The following UNC80 variants were observed in gnomAD, a reference collection of about 807,000 sequenced individuals.
UNC80 encodes unc-80 subunit of NALCN channel complex.
Under a neutral mutation model 384.6 loss-of-function variants are expected in UNC80, and 164 were observed. The ratio of observed to expected loss-of-function variants is 0.43; its 90% CI spans 0.38 to 0.49. UNC80 has a LOEUF of 0.49. Among genes scored for constraint, UNC80 ranks in the 20% least tolerant of loss-of-function variants. UNC80 has a pLI of 0.00. For synonymous variants in UNC80, 1,486 were observed against 1,527.8 expected, an observed-to-expected ratio of 0.97 and a Z score of 0.64; for missense variants, 3,330 against 4,143.0, an observed-to-expected ratio of 0.80 and a Z score of 5.39.
Position 209,789,549 on chromosome 2 carries a change from A to G in UNC80, c.742A>G (p.Ile248Val). 2.5e-6 allele frequency: 4 copies of G among 1,613,448 alleles called. No individual in the cohort carries two copies. The highest frequency in any genetic ancestry group is 2.2e-5 in the South Asian group (2 of 91,034). ...NIITAKRSSP[I>V]NSQSRTCESP... ...CTTTTCAGCTAAGAGAAGTTCTCCT[A>G]TCAACAGTCAAAGCCGGACCTGTGA... The change falls in exon 6 of 65, where the codon ATC becomes GTC. Residue 248 changes from isoleucine (I) to valine (V), a missense_variant. Physicochemically the swap from Ile to Val is conservative, Grantham distance 29 (BLOSUM62 3). Transcript: ENST00000673920.
chr2:209,852,643 A>G (rs140890668), intron 22 of UNC80, among the ~76,000 whole-genome samples: 2 of 152,252 alleles, frequency 1.3e-5, no homozygotes, highest in Non-Finnish European at 2.9e-5. Flanking sequence ...TATATGTCGT[A>G]CGTGCTTGAA....
intron 22 of UNC80, among the ~76,000 whole-genome samples, chr2:209,850,721 A>G (rs2082468665): frequency 6.6e-6 from 1 of 152,096 alleles, no homozygotes; most frequent in Non-Finnish European, 1.5e-5. Flanking sequence ...AATTTTTTAA[A>G]AATTGCATCA....
chr2:209,927,765 T>C (rs966754236), intron 36 of UNC80, among the ~76,000 whole-genome samples: 1 of 152,182 alleles, frequency 6.6e-6, no homozygotes, highest in African/African-American at 2.4e-5. Context: ...TGAAAAGCTT[T>C]TGACACAGAT....
Position 209,807,622 on chromosome 2 carries a change from C to T in UNC80, c.939-5958C>T, listed in dbSNP as rs897338641. ...TCGTGATCCGCCTGCCTCAGCCTCC[C>T]AAAGTGCTCAGATTACAGGCATGAG... On this transcript the variant is annotated intron_variant, in intron 7 of 64. Coordinates refer to ENST00000673920, the MANE Select transcript of UNC80 (RefSeq NM_001371986.1). 1.7e-4 allele frequency among the ~76,000 whole-genome samples: 26 copies of T among 151,974 alleles called. 1 individual carries two copies. Among genetic ancestry groups the T allele is most frequent in the Non-Finnish European group, 3.2e-4 (22 of 67,998 alleles).
chr2:209,812,671 A>G (rs2079450402), intron 7 of UNC80, among the ~76,000 whole-genome samples: 1 of 152,038 alleles, frequency 6.6e-6, no homozygotes, highest in Non-Finnish European at 1.5e-5. Flanking sequence ...CGGAAGTTCT[A>G]AGTTTATATT....
chr2:209,981,199 A>T (rs1037430364), intron 59 of UNC80, among the ~76,000 whole-genome samples: 2 of 152,264 alleles, frequency 1.3e-5, no homozygotes. Context: ...GTTCATCAAC[A>T]AACAACATTA....
chr2:209,800,740 G>T (rs2078491615), intron 7 of UNC80, among the ~76,000 whole-genome samples: 1 of 152,128 alleles, frequency 6.6e-6, no homozygotes, highest in Non-Finnish European at 1.5e-5. Context: ...GTGTCCCAAA[G>T]ATTCTGGTAC....
intron 61 of UNC80, among the ~76,000 whole-genome samples, chr2:209,986,801 G>C (rs2093299384): frequency 6.6e-6 from 1 of 152,178 alleles, no homozygotes; most frequent in African/African-American, 2.4e-5. Context: ...CCTGCAAATT[G>C]TATCTCTTGA....
chr2:209,902,421 G>T (rs1464005681), intron 28 of UNC80, among the ~76,000 whole-genome samples: 1 of 152,236 alleles, frequency 6.6e-6, no homozygotes, highest in Non-Finnish European at 1.5e-5. Flanking sequence ...CAGCAGGGTT[G>T]TTGAGGGTTG....
chr2:209,805,357 T>C (rs1235648186), intron 7 of UNC80, among the ~76,000 whole-genome samples: 1 of 152,244 alleles, frequency 6.6e-6, no homozygotes, highest in African/African-American at 2.4e-5. Context: ...CCAAAATCTG[T>C]ATTAGCTGTC....
intron 47 of UNC80, among the ~76,000 whole-genome samples, chr2:209,951,853 A>G (rs1373567781): frequency 2.6e-5 from 4 of 151,886 alleles, no homozygotes; most frequent in Non-Finnish European, 5.9e-5. Context: ...CCTTAACCAC[A>G]TGCTCTATAT....
chr2:209,820,815 T>G, intron 13 of UNC80, 136 bp downstream of exon 13: 16 of 926,802 alleles, frequency 1.7e-5, no homozygotes, highest in South Asian at 4.0e-5. Context: ...GAGAAATCTC[T>G]TCATTAGGTT....
intron 31 of UNC80, among the ~76,000 whole-genome samples, chr2:209,915,949 C>G (rs2089487614): frequency 6.6e-6 from 1 of 152,114 alleles, no homozygotes. Flanking sequence ...CTGACTTGAT[C>G]ATTACATTCT....
chr2:209,784,115 A>C (rs1012238466), intron 4 of UNC80, among the ~76,000 whole-genome samples: 1 of 152,090 alleles, frequency 6.6e-6, no homozygotes, highest in African/African-American at 2.4e-5. Context: ...TTTCTCTCAC[A>C]CTCCACTTCC....
chr2:209,894,401 G>T lies in UNC80; in HGVS notation c.4480+35G>T, dbSNP rs150159140. 24 of 978,750 alleles carry T rather than the reference G, an allele frequency of 2.5e-5. No homozygotes were observed. In the East Asian group the frequency reaches 1.9e-3, roughly 79 times the overall value. The allele number at this position is 978,750 out of a possible 1,614,324, so 60.6% of individuals were successfully genotyped here. On this transcript the variant is annotated intron_variant, in intron 27 of 64. Transcript: ENST00000673920. ...AGGAGTGGGGTGTGCAGGGACGTGG[G>T]GGGTAGGAAGACAGGGCCCAAGTCC... is the stretch of plus-strand genomic sequence containing the variant.
chr2:209,936,996 G>T, intron 41 of UNC80, 63 bp downstream of exon 41: 2 of 1,175,564 alleles, frequency 1.7e-6, no homozygotes, highest in Non-Finnish European at 2.5e-6. Context: ...CCTACCTGAG[G>T]GTGGCTCACA....
Position 209,896,298 on chromosome 2 carries a change from A to AT in UNC80, c.4481-10dup, listed in dbSNP as rs1559284549. On this transcript the variant is annotated splice_polypyrimidine_tract_variant and intron_variant, in intron 27 of 64. Coordinates refer to ENST00000673920, the MANE Select transcript of UNC80 (RefSeq NM_001371986.1). The stretch of plus-strand genomic sequence containing the variant: ...ACCGAACACTGAAACCTTTCTTGGT[A>AT]TTTTTCTTTTGAAGAAGGGAGTCCT... 6.5e-7 allele frequency: 1 copy of AT among 1,550,270 alleles called. No homozygotes were observed. Among genetic ancestry groups the AT allele is most frequent in the South Asian group, 1.2e-5 (1 of 84,030 alleles).
At position 209,839,415 on chromosome 2, in the gene UNC80, C is replaced by G. The variant is rs758468801; in HGVS notation, c.3235C>G (p.Leu1079Val). ...RSRRISLRKK[L>V]KLPIGNWLKR... ...CCGCAGAATTTCCCTCCGAAAGAAG[C>G]TTAAACTCCCCATAGGTAAAAGTAT... The change falls in exon 19 of 65, where the codon CTT becomes GTT. Residue 1079 changes from leucine (L) to valine (V), a missense_variant. Around this residue, in one of 8 missense-constraint regions of UNC80, gnomAD observed 801 missense variants for 950.8 expected, o/e 0.84. Transcript: ENST00000673920. The surrounding 1 kb of genome is among the most constrained non-coding windows in gnomAD (Gnocchi z 4.1). 8 of 1,552,080 alleles carry G rather than the reference C, an allele frequency of 5.2e-6. 1 individual carries two copies. The South Asian group carries it at 8.3e-5, about 16-fold the overall frequency.
At chr2:209,957,760 C>G (rs1419675328) in intron 49 of UNC80, 24 bp downstream of exon 49, 12 of 1,547,446 alleles carry the variant, frequency 7.8e-6, no homozygotes, top group Non-Finnish European at 1.0e-5. Context: ...CCTTATTCTT[C>G]TATGGTCTCT....
Sources: gnomAD v4.1 joint callset for allele counts (sites outside exome capture counted in the v4.1 genomes callset) on GRCh38, gnomAD v4.1.1 for gene constraint, gnomAD v4.1.1 regional missense constraint, Gnocchi (gnomAD v3.1) non-coding constraint, MANE v1.5 for transcripts, NCBI Gene and HGNC (gene_info 2026-07-23, HGNC 2026-07-21) for gene names.